The following ROBO1 variants were observed in gnomAD, a reference collection of about 807,000 sequenced individuals.
The protein encoded by ROBO1 is roundabout guidance receptor 1, also known as roundabout homolog 1.
A neutral mutation model predicts 195.9 loss-of-function variants in ROBO1; 149 were observed. That is an observed-to-expected ratio of 0.76 (90% CI 0.67 to 0.87). The LOEUF (loss-of-function observed/expected upper bound fraction) is 0.87. ROBO1 is among the 40% of genes least tolerant of loss of function. ROBO1 has a pLI of 0.00. For synonymous variants in ROBO1, 816 were observed against 733.2 expected (o/e 1.11, Z -1.82); for missense variants, 1,933 against 2,068.3 (o/e 0.93, Z 1.27).
intron 10 of ROBO1, among the ~76,000 whole-genome samples, chr3:78,679,604 G>A (rs1486963466): frequency 1.3e-5 from 2 of 152,034 alleles, no homozygotes; most frequent in African/African-American, 4.8e-5. Flanking sequence ...AAAATACCTA[G>A]GAATCCAACT....
chr3:79,119,801 A>G (rs943853347), intron 3 of ROBO1, among the ~76,000 whole-genome samples: 11 of 150,954 alleles, frequency 7.3e-5, no homozygotes, highest in African/African-American at 4.9e-5. Flanking sequence ...GAAAGATTCT[A>G]ACTCTCTTGA....
At chr3:78,925,406 A>T (rs953233478) in intron 4 of ROBO1, among the ~76,000 whole-genome samples, 1 of 152,178 alleles carries the variant, frequency 6.6e-6, no homozygotes, top group Non-Finnish European at 1.5e-5. Context: ...TATGACTTCT[A>T]ATTAGTTTAT....
chr3:79,630,095 AAAAC>A (rs1046640940), intron 1 of ROBO1, among the ~76,000 whole-genome samples: 31 of 152,184 alleles, frequency 2.0e-4, no homozygotes, highest in South Asian at 1.2e-3. Flanking sequence ...AACTATTCTA[AAAAC>A]AAACAAACAA....
At chr3:78,854,696 T>C (rs1168919247) in intron 4 of ROBO1, among the ~76,000 whole-genome samples, 1 of 152,110 alleles carries the variant, frequency 6.6e-6, no homozygotes, top group Non-Finnish European at 1.5e-5. Flanking sequence ...GTACAACTCA[T>C]GAATAAATCA....
intron 5 of ROBO1, among the ~76,000 whole-genome samples, chr3:78,742,633 C>T (rs138125205): frequency 2.6e-5 from 4 of 152,270 alleles, no homozygotes; most frequent in African/African-American, 9.6e-5. Context: ...ATACAAAACA[C>T]ACAGATGGTC....
In ROBO1 at chr3:78,746,761, A is replaced by G. The variant is rs777784646; in HGVS notation, c.639T>C (p.Asp213=). 3 of 1,543,250 alleles carry G rather than the reference A, an allele frequency of 1.9e-6. No individual in the cohort carries two copies. Among genetic ancestry groups the G allele is most frequent in the Admixed American group, 1.8e-5 (1 of 54,624 alleles). The change falls in exon 5 of 31, where the codon GAT becomes GAC. Residue 213 remains aspartate, a synonymous_variant. Coordinates refer to ENST00000464233, the MANE Select transcript of ROBO1 (RefSeq NM_002941.4). ...SWKKDGSPLD[D]KDERITIRGG... Reference sequence around the variant, plus strand: ...TACTCACAGTTATTCTTTCATCTTTATCATCCAGTGGAGAGCCATCTTTCT... The same window carrying G: ...TACTCACAGTTATTCTTTCATCTTTGTCATCCAGTGGAGAGCCATCTTTCT...
chr3:78,923,134 C>G (rs2107608001), intron 4 of ROBO1, among the ~76,000 whole-genome samples: 1 of 152,174 alleles, frequency 6.6e-6, no homozygotes, highest in Middle Eastern at 3.4e-3. Flanking sequence ...TCACAGAGTT[C>G]CAGAGATACT....
At chr3:78,798,675 G>T (rs543884951) in intron 4 of ROBO1, among the ~76,000 whole-genome samples, 3 of 152,234 alleles carry the variant, frequency 2.0e-5, no homozygotes, top group South Asian at 2.1e-4. Context: ...TATATTTTTA[G>T]ATCTCTGACT....
Position 79,723,462 on chromosome 3 carries a change from A to G in ROBO1, c.-51+44290T>C, listed in dbSNP as rs1702785307. Among the ~76,000 whole-genome samples, 3 of 152,198 alleles carry G rather than the reference A, an allele frequency of 2.0e-5. No homozygotes were observed. The South Asian group carries it at 6.2e-4, about 31-fold the overall frequency. ...AGGCAATTTGAAGATGATTAGATGC[A>G]CTTCATAATACTCCCAAAATCCTCA... On this transcript the variant is annotated intron_variant, in intron 1 of 30. Transcript: ENST00000464233.
chr3:78,863,074 CG>C (rs1189423031), intron 4 of ROBO1, among the ~76,000 whole-genome samples: 1 of 152,134 alleles, frequency 6.6e-6, no homozygotes, highest in African/African-American at 2.4e-5. Context: ...ACAGTGATTA[CG>C]GAAAGTCATT....
chr3:78,728,563 T>C (rs1212243148), intron 5 of ROBO1, among the ~76,000 whole-genome samples: 6 of 152,182 alleles, frequency 3.9e-5, no homozygotes, highest in Non-Finnish European at 8.8e-5. Flanking sequence ...TATTTCATCA[T>C]TTACAGCCTA....
At chr3:78,994,475 T>C (rs1356000521) in intron 3 of ROBO1, among the ~76,000 whole-genome samples, 5 of 152,190 alleles carry the variant, frequency 3.3e-5, no homozygotes, top group African/African-American at 4.8e-5. Context: ...TTTGTTAGGA[T>C]AGCGTTATCT....
intron 2 of ROBO1, among the ~76,000 whole-genome samples, chr3:79,423,647 G>A (rs56964141): frequency 0.019 from 2,836 of 152,120 alleles, 70 homozygotes; most frequent in African/African-American, 0.063. Flanking sequence ...TGATACATGG[G>A]CTTATGATTT....
At chr3:78,607,523 C>G (rs1184633793) in intron 28 of ROBO1, among the ~76,000 whole-genome samples, 6 of 152,152 alleles carry the variant, frequency 3.9e-5, no homozygotes, top group Non-Finnish European at 7.4e-5. Context: ...AAGACCAACA[C>G]TTTTAATGTA....
intron 2 of ROBO1, among the ~76,000 whole-genome samples, chr3:79,483,895 C>A (rs1939003913): frequency 6.6e-6 from 1 of 151,514 alleles, no homozygotes; most frequent in Non-Finnish European, 1.5e-5. Context: ...AAGGAGAGTG[C>A]AGAACTGGGG....
intron 2 of ROBO1, among the ~76,000 whole-genome samples, chr3:79,454,159 C>T (rs535621795): frequency 1.1e-4 from 15 of 138,224 alleles, no homozygotes; most frequent in South Asian, 4.9e-4. Flanking sequence ...CAAAACATTA[C>T]GCAGAGCTTG....
At chr3:79,586,151 C>T (rs1373735652) in intron 2 of ROBO1, among the ~76,000 whole-genome samples, 1 of 151,900 alleles carries the variant, frequency 6.6e-6, no homozygotes, top group African/African-American at 2.4e-5. Flanking sequence ...AATAAATCCT[C>T]AAGTCTATTC....
At chr3:79,736,405 A>G (rs900810115) in intron 1 of ROBO1, among the ~76,000 whole-genome samples, 1 of 152,204 alleles carries the variant, frequency 6.6e-6, no homozygotes, top group African/African-American at 2.4e-5. Flanking sequence ...TCCAATTAAG[A>G]TATAATCTAG....
chr3:79,007,934 A>C (rs2108185296), intron 3 of ROBO1, among the ~76,000 whole-genome samples: 1 of 152,310 alleles, frequency 6.6e-6, no homozygotes, highest in East Asian at 1.9e-4. Context: ...TGCTCTTTAC[A>C]ATACAACGTC....
Sources: allele counts gnomAD v4.1 joint callset (sites outside exome capture counted in the v4.1 genomes callset), GRCh38; gene constraint gnomAD v4.1.1; transcripts MANE v1.5; gene names NCBI Gene and HGNC (gene_info 2026-07-23, HGNC 2026-07-21).